Variants in MYLK observed in about 807,000 individuals in gnomAD.
MYLK encodes the protein myosin light chain kinase, also known as myosin light chain kinase, smooth muscle.
MYLK carries 106 observed loss-of-function variants against 203.4 expected under a neutral mutation model. The observed-to-expected ratio is 0.52, with a 90% CI of 0.45 to 0.61. The LOEUF (loss-of-function observed/expected upper bound fraction) is 0.61, where lower values mean the gene tolerates loss of function less well. MYLK is among the 20% of genes least tolerant of loss of function. The pLI is 0.00. For synonymous variants in MYLK, 867 were observed against 959.5 expected, an observed-to-expected ratio of 0.90 and a Z score of 1.78; for missense variants, 2,072 against 2,442.3, an observed-to-expected ratio of 0.85 and a Z score of 3.20.
chr3:123,876,488 T>A (rs1410443743), intron 2 of MYLK, 71 bp downstream of exon 2: 1 of 152,200 alleles, frequency 6.6e-6, no homozygotes, highest in Non-Finnish European at 1.5e-5. Flanking sequence ...AACTATAAAG[T>A]GATACGAATC....
intron 3 of MYLK, among the ~76,000 whole-genome samples, chr3:123,827,743 A>ATATG (rs2066177308): frequency 3.4e-5 from 4 of 116,114 alleles, no homozygotes; most frequent in African/African-American, 1.3e-4. Flanking sequence ...ATATATATAT[A>ATATG]TATATAAAGA....
At position 123,884,289 on chromosome 3, in the gene MYLK, G is replaced by A. The variant is rs1214086432; in HGVS notation, c.-269C>T. 1 of 145,990 alleles carries A rather than the reference G, an allele frequency of 6.8e-6. No homozygotes were observed. The highest frequency in any genetic ancestry group is 2.5e-5 in the African/African-American group (1 of 40,154). The allele number at this position is 145,990 out of a possible 1,614,324, so 9.0% of individuals were successfully genotyped here. On this transcript the variant is annotated 5_prime_UTR_variant, in exon 1 of 34. Transcript: ENST00000360304. ...CGCAGGCGCACAGCGCGGGCTCCGAGCTCGCTCAGCGCCCTGCTGCCGACC... is the reference window on the plus strand; with the variant it reads ...CGCAGGCGCACAGCGCGGGCTCCGAACTCGCTCAGCGCCCTGCTGCCGACC...
Position 123,665,641 on chromosome 3 carries a change from C to T in MYLK, c.3831+578G>A, listed in dbSNP as rs78556577. On this transcript the variant is annotated intron_variant, in intron 22 of 33. Transcript: ENST00000360304. ...CGTGGATTGGTGGAGCTGCTGGGCTCCCCAAGTCCTTTCAATGCTGGTTGT... is the reference window on the plus strand; with the variant it reads ...CGTGGATTGGTGGAGCTGCTGGGCTTCCCAAGTCCTTTCAATGCTGGTTGT... Among the ~76,000 whole-genome samples, 1,039 of 152,314 alleles carry T rather than the reference C, an allele frequency of 6.8e-3. 7 individuals are homozygous for T. Among genetic ancestry groups the T allele is most frequent in the Middle Eastern group, 0.051 (15 of 294 alleles).
intron 29 of MYLK, among the ~76,000 whole-genome samples, chr3:123,632,290 A>G (rs923303110): frequency 1.3e-5 from 2 of 152,116 alleles, no homozygotes; most frequent in Non-Finnish European, 2.9e-5. Flanking sequence ...ATCAGGAAGC[A>G]GCCTGTCTCT....
At chr3:123,746,795 T>G (rs2063031412) in intron 5 of MYLK, among the ~76,000 whole-genome samples, 1 of 65,226 alleles carries the variant, frequency 1.5e-5, no homozygotes, top group African/African-American at 3.5e-5. Flanking sequence ...ATTTTAAGAT[T>G]CTGCCTAGAT....
chr3:123,687,345 A>G (rs2108490070), intron 19 of MYLK, among the ~76,000 whole-genome samples: 1 of 152,372 alleles, frequency 6.6e-6, no homozygotes, highest in East Asian at 1.9e-4. Flanking sequence ...CCAGGGGCCA[A>G]GATAACAGTG....
intron 12 of MYLK, among the ~76,000 whole-genome samples, chr3:123,724,790 G>T (rs1409180790): frequency 6.6e-6 from 1 of 152,102 alleles, no homozygotes; most frequent in Non-Finnish European, 1.5e-5. Context: ...TGTCACCCAG[G>T]CTGGAGTGCA....
At chr3:123,754,492 C>T (rs2063302227) in intron 4 of MYLK, among the ~76,000 whole-genome samples, 2 of 152,214 alleles carry the variant, frequency 1.3e-5, no homozygotes, top group South Asian at 4.1e-4. Flanking sequence ...AATGCTGAGA[C>T]TCTGGAGTGG....
At chr3:123,627,746 A>ATT (rs150642653) in intron 30 of MYLK, among the ~76,000 whole-genome samples, 2 of 150,906 alleles carry the variant, frequency 1.3e-5, no homozygotes, top group Non-Finnish European at 1.5e-5. Context: ...GTAGGAAGGA[A>ATT]TTTTTTTTTT....
At chr3:123,702,127 A>G (rs1290021624) in intron 16 of MYLK, among the ~76,000 whole-genome samples, 4 of 152,196 alleles carry the variant, frequency 2.6e-5, no homozygotes, top group Non-Finnish European at 5.9e-5. Context: ...CTTCATGTCC[A>G]TAAACCTGGT....
chr3:123,666,300 G>T lies in MYLK; in HGVS notation c.3750C>A (p.Arg1250=). The part of the protein sequence containing the change: ...IIQFPEDQKV[R]AGESVELFGK... ...CAAACAGCTCCACTGACTCTCCTGC[G>T]CGTACCTTCTGGTCCTCAGGGAACT... The change falls in exon 22 of 34, where the codon CGC becomes CGA. Residue 1250 remains arginine (R), a synonymous_variant. Coordinates refer to ENST00000360304, the MANE Select transcript of MYLK (RefSeq NM_053025.4). 1 of 1,614,184 alleles carries T rather than the reference G, an allele frequency of 6.2e-7. No individual in the cohort carries two copies.
chr3:123,725,252 C>T (rs1012115371), intron 12 of MYLK, among the ~76,000 whole-genome samples: 1 of 152,166 alleles, frequency 6.6e-6, no homozygotes. Flanking sequence ...CCTGGGGATC[C>T]CCACAGTAGT....
intron 2 of MYLK, among the ~76,000 whole-genome samples, chr3:123,862,258 G>C (rs1577143793): frequency 6.6e-6 from 1 of 152,202 alleles, no homozygotes; most frequent in Non-Finnish European, 1.5e-5. Flanking sequence ...TGTCCCTGTA[G>C]TTCATCTGTG....
intron 2 of MYLK, among the ~76,000 whole-genome samples, chr3:123,850,287 T>C (rs1349132840): frequency 1.3e-5 from 2 of 152,196 alleles, no homozygotes; most frequent in Non-Finnish European, 2.9e-5. Context: ...TGAAATAGTA[T>C]TTCTAATTCT....
intron 31 of MYLK, chr3:123,623,941 T>C (rs1224870242): frequency 6.6e-6 from 1 of 152,206 alleles, no homozygotes; most frequent in African/African-American, 2.4e-5. Context: ...TACTAAAATA[T>C]AAAATTAAGG....
At chr3:123,846,139 T>C (rs920807304) in intron 2 of MYLK, among the ~76,000 whole-genome samples, 1 of 152,230 alleles carries the variant, frequency 6.6e-6, no homozygotes, top group Non-Finnish European at 1.5e-5. Context: ...ACAAAACGGA[T>C]TCTTGATTAA....
At position 123,760,272 on chromosome 3, in the gene MYLK, G is replaced by A. The variant is rs141088617; in HGVS notation, c.166-7734C>T. Reference sequence around the variant, plus strand: ...TGGCTCACCGCAACCTCCGCCTCCCGGGTTCAAGTGACTCTCCTGCCTCAG... The same window carrying A: ...TGGCTCACCGCAACCTCCGCCTCCCAGGTTCAAGTGACTCTCCTGCCTCAG... On this transcript the variant is annotated intron_variant, in intron 4 of 33. Transcript: ENST00000360304. Among the ~76,000 whole-genome samples, 1,488 of 152,230 alleles carry A rather than the reference G, an allele frequency of 9.8e-3. 31 individuals carry two copies. Among genetic ancestry groups the A allele is most frequent in the African/African-American group, 0.034 (1,425 of 41,528 alleles).
At chr3:123,853,665 C>A (rs569941748) in intron 2 of MYLK, among the ~76,000 whole-genome samples, 1 of 152,264 alleles carries the variant, frequency 6.6e-6, no homozygotes, top group African/African-American at 2.4e-5. Context: ...ACCCAAGGAG[C>A]TACAGCTGAG....
intron 12 of MYLK, among the ~76,000 whole-genome samples, chr3:123,723,356 C>A (rs905531627): frequency 2.6e-5 from 4 of 152,242 alleles, no homozygotes; most frequent in Non-Finnish European, 4.4e-5. Flanking sequence ...TCCTCTCAAC[C>A]TATTGCATTT....
Sources: gnomAD v4.1 joint callset for allele counts (sites outside exome capture counted in the v4.1 genomes callset) on GRCh38, gnomAD v4.1.1 for gene constraint, MANE v1.5 for transcripts, NCBI Gene and HGNC (gene_info 2026-07-23, HGNC 2026-07-21) for gene names.